The following CALN1 variants were observed in gnomAD, a reference collection of about 807,000 sequenced individuals.
The protein encoded by CALN1 is calcium-binding protein 8.
Under a neutral mutation model 30.6 loss-of-function variants are expected in CALN1, and 17 were observed. The observed-to-expected ratio is 0.56, with a 90% CI of 0.38 to 0.83. The LOEUF (loss-of-function observed/expected upper bound fraction) is 0.83, where lower values mean the gene tolerates loss of function less well. Ranked by LOEUF, CALN1 falls within the 40% of genes least tolerant of loss-of-function variation. CALN1 has a pLI of 0.00. For synonymous variants in CALN1, 156 were observed against 131.4 expected, an observed-to-expected ratio of 1.19 and a Z score of -1.28; for missense variants, 291 against 354.9, an observed-to-expected ratio of 0.82 and a Z score of 1.45.
intron 1 of CALN1, among the ~76,000 whole-genome samples, chr7:72,435,172 C>CTGCA (rs897081361): frequency 4.4e-4 from 66 of 151,138 alleles, no homozygotes; most frequent in Admixed American, 3.9e-3. Context: ...GAATTCGAGG[C>CTGCA]TGCAGTGAGC....
intron 2 of CALN1, among the ~76,000 whole-genome samples, chr7:72,288,865 T>C (rs1257387595): frequency 6.6e-6 from 1 of 152,210 alleles, no homozygotes; most frequent in African/African-American, 2.4e-5. Flanking sequence ...GAATTATTGT[T>C]TCTTACAATC....
chr7:72,236,411 G>A (rs1456308770), intron 3 of CALN1, among the ~76,000 whole-genome samples: 1 of 152,176 alleles, frequency 6.6e-6, no homozygotes, highest in Non-Finnish European at 1.5e-5. Flanking sequence ...AATAAAATGG[G>A]ATGGTCTCTC....
intron 4 of CALN1, among the ~76,000 whole-genome samples, chr7:72,033,996 G>A (rs538642218): frequency 1.3e-5 from 2 of 152,094 alleles, no homozygotes; most frequent in Non-Finnish European, 2.9e-5. Flanking sequence ...CTGACTGGAA[G>A]GGCAGGAGGC....
intron 3 of CALN1, among the ~76,000 whole-genome samples, chr7:72,256,506 A>T (rs576695314): frequency 6.6e-6 from 1 of 152,202 alleles, no homozygotes; most frequent in South Asian, 2.1e-4. Context: ...ACATACTTCT[A>T]AAAAAGATGA....
intron 1 of CALN1, among the ~76,000 whole-genome samples, chr7:72,418,836 C>G (rs561383906): frequency 6.0e-4 from 91 of 152,116 alleles, no homozygotes; most frequent in African/African-American, 2.1e-3. Flanking sequence ...CATGGCGAGA[C>G]CCCGTCTCTA....
At chr7:72,064,001 C>T (rs1185132841) in intron 4 of CALN1, among the ~76,000 whole-genome samples, 3 of 152,266 alleles carry the variant, frequency 2.0e-5, no homozygotes, top group African/African-American at 2.4e-5. Flanking sequence ...TGGCCAGGCA[C>T]GGTGGCTCAT....
intron 5 of CALN1, among the ~76,000 whole-genome samples, chr7:71,988,600 A>G (rs1235820659): frequency 2.6e-5 from 4 of 152,136 alleles, no homozygotes; most frequent in Non-Finnish European, 5.9e-5. Flanking sequence ...GGCACTGACT[A>G]TATTTTTAAT....
At chr7:72,090,462 T>C (rs983430274) in intron 4 of CALN1, among the ~76,000 whole-genome samples, 1 of 152,110 alleles carries the variant, frequency 6.6e-6, no homozygotes, top group African/African-American at 2.4e-5. Flanking sequence ...CTATTAAAAT[T>C]TGAGAGATAT....
chr7:71,936,661 C>T (rs1455505811), intron 5 of CALN1, among the ~76,000 whole-genome samples: 1 of 152,106 alleles, frequency 6.6e-6, no homozygotes, highest in Non-Finnish European at 1.5e-5. Flanking sequence ...CTTCCCCAAC[C>T]CCTGTTATCT....
Position 72,121,883 on chromosome 7 carries a change from T to TTATATATAATATATATTTTATATATAAA in CALN1, c.245-15617_245-15590dup, listed in dbSNP as rs1295651353. On this transcript the variant is annotated intron_variant, in intron 3 of 6. Transcript: ENST00000395275. ...TATATAATTATATATTAATTATAAA[T>TTATATATAATATATATTTTATATATAAA]TATATATAATATATATTTTATATAT... Among the ~76,000 whole-genome samples the TTATATATAATATATATTTTATATATAAA allele has an allele frequency of 6.8e-5, 10 of 147,396 alleles. No homozygotes were observed. In the South Asian group the frequency reaches 1.0e-3, roughly 15 times the overall value.
chr7:72,029,599 A>G (rs1410121132), intron 4 of CALN1, among the ~76,000 whole-genome samples: 1 of 152,196 alleles, frequency 6.6e-6, no homozygotes, highest in Admixed American at 6.5e-5. Context: ...CCCAACCTCC[A>G]GGGAGGAAAG....
At chr7:72,227,690 T>G (rs1793790164) in intron 3 of CALN1, among the ~76,000 whole-genome samples, 1 of 151,958 alleles carries the variant, frequency 6.6e-6, no homozygotes. Context: ...TTCAGCATCA[T>G]GCAATATACC....
intron 4 of CALN1, among the ~76,000 whole-genome samples, chr7:72,065,136 A>G (rs1280191089): frequency 6.7e-6 from 1 of 148,290 alleles, no homozygotes; most frequent in African/African-American, 2.4e-5. Context: ...AAATATATTT[A>G]TATTTTAAAA....
At chr7:72,013,212 A>G (rs1455499159) in intron 5 of CALN1, among the ~76,000 whole-genome samples, 1 of 151,050 alleles carries the variant, frequency 6.6e-6, no homozygotes, top group Non-Finnish European at 1.5e-5. Context: ...GCCCCTGAAA[A>G]CAATTGTTGG....
chr7:72,278,006 TC>T (rs67515132), intron 3 of CALN1, among the ~76,000 whole-genome samples: 12,409 of 49,542 alleles, frequency 0.25, 1,079 homozygotes, highest in East Asian at 0.63. Context: ...AATCCTCTAT[TC>T]CGGGGGGGGG....
intron 3 of CALN1, among the ~76,000 whole-genome samples, chr7:72,131,026 C>T (rs62462821): frequency 0.27 from 41,341 of 152,036 alleles, 6,323 homozygotes; most frequent in Non-Finnish European, 0.35. Flanking sequence ...AATCACACCT[C>T]TTGGTGTACT....
intron 4 of CALN1, among the ~76,000 whole-genome samples, chr7:72,069,107 GCA>G (rs927310631): frequency 6.6e-5 from 10 of 152,296 alleles, no homozygotes; most frequent in African/African-American, 2.2e-4. Context: ...AGATGCCAGT[GCA>G]CACAGAGAGG....
chr7:72,311,944 G>T (rs1800083624), intron 2 of CALN1, among the ~76,000 whole-genome samples: 1 of 152,074 alleles, frequency 6.6e-6, no homozygotes, highest in Admixed American at 6.6e-5. Flanking sequence ...GGGAAAGAAG[G>T]AAGAGGAAAA....
intron 5 of CALN1, among the ~76,000 whole-genome samples, chr7:72,001,763 G>A (rs868564366): frequency 1.3e-5 from 2 of 152,190 alleles, no homozygotes; most frequent in Non-Finnish European, 2.9e-5. Context: ...GAGAAGGCAA[G>A]AATTGTGGTT....
Sources: gnomAD v4.1 joint callset for allele counts (sites outside exome capture counted in the v4.1 genomes callset) on GRCh38, gnomAD v4.1.1 for gene constraint, MANE v1.5 for transcripts, NCBI Gene and HGNC (gene_info 2026-07-23, HGNC 2026-07-21) for gene names.